The following P2RY8 variants were observed in gnomAD, a reference collection of about 807,000 sequenced individuals.
The protein encoded by P2RY8 is S-geranylgeranyl-glutathione receptor P2RY8.
P2RY8 carries 6 observed loss-of-function variants against 10.0 expected under a neutral mutation model. The observed-to-expected ratio is 0.60, with a 90% confidence interval of 0.33 to 1.19. The LOEUF is 1.19. Ranked by LOEUF, P2RY8 falls within the 50% of genes most tolerant of loss-of-function variation. The probability of loss-of-function intolerance (pLI) is 0.04; values close to 1 mark genes in which losing one functional copy is unlikely to be tolerated. For synonymous variants in P2RY8, 276 were observed against 252.5 expected (o/e 1.09, Z -0.88); for missense variants, 456 against 542.0 (o/e 0.84, Z 1.58).
chrX:1,519,002 T>C (rs2092371666), intron 1 of P2RY8, among the ~76,000 whole-genome samples: 1 of 151,844 alleles, frequency 6.6e-6, no homozygotes, highest in African/African-American at 2.4e-5. Flanking sequence ...TTCTCTGTGG[T>C]CCCCAATCAT....
chrX:1,496,097 G>A lies in P2RY8; in HGVS notation c.-24-29515C>T, dbSNP rs753012300. On this transcript the variant is annotated intron_variant, in intron 1 of 1. Transcript: ENST00000381297. Reference sequence around the variant, plus strand: ...CCAGTTTGCAGTGTTTTATTACGGCGGCCGAGCTGACTACCCATCCACTCT... The same window carrying A: ...CCAGTTTGCAGTGTTTTATTACGGCAGCCGAGCTGACTACCCATCCACTCT... 7.2e-5 allele frequency among the ~76,000 whole-genome samples: 11 copies of A among 152,220 alleles called. No homozygotes were observed. The South Asian group carries it at 1.7e-3, about 23-fold the overall frequency.
rs1263197345 is a variant in P2RY8, at chrX:1,462,658, G to A, written c.*2821C>T. On this transcript the variant is annotated 3_prime_UTR_variant, in exon 2 of 2. Transcript: ENST00000381297. ...AGATGAGTTCTCACTGTGTTGCCTA[G>A]GTTGGCCCTTGAACACCCGGACTCA... 4.3e-6 allele frequency: 1 copy of A among 232,838 alleles called. No homozygotes were observed. Among genetic ancestry groups the A allele is most frequent in the Non-Finnish European group, 8.5e-6 (1 of 117,970 alleles). 14.4% of individuals were successfully genotyped at this position (232,838 alleles called of 1,614,324 possible).
At chrX:1,523,092 A>AATAT (rs2092404780) in intron 1 of P2RY8, among the ~76,000 whole-genome samples, 2 of 150,466 alleles carry the variant, frequency 1.3e-5, no homozygotes, top group African/African-American at 2.4e-5. Context: ...TAAATAAATA[A>AATAT]ATAAATAAAT....
At chrX:1,530,908 T>A (rs1175563497) in intron 1 of P2RY8, among the ~76,000 whole-genome samples, 1 of 122,940 alleles carries the variant, frequency 8.1e-6, no homozygotes, top group Non-Finnish European at 1.8e-5. Flanking sequence ...TAATCTATCA[T>A]CTATCTATCT....
chrX:1,505,373 A>G (rs2092222856), intron 1 of P2RY8, among the ~76,000 whole-genome samples: 1 of 152,174 alleles, frequency 6.6e-6, no homozygotes, highest in African/African-American at 2.4e-5. Context: ...ATGACCACAG[A>G]TAGTGTCCAT....
intron 1 of P2RY8, among the ~76,000 whole-genome samples, chrX:1,525,471 T>A (rs2092433751): frequency 6.6e-6 from 1 of 152,106 alleles, no homozygotes; most frequent in Non-Finnish European, 1.5e-5. Context: ...CCCAGGGACG[T>A]CAAGGATGGC....
At chrX:1,510,069 A>G (rs1431406228) in intron 1 of P2RY8, among the ~76,000 whole-genome samples, 1 of 151,888 alleles carries the variant, frequency 6.6e-6, no homozygotes, top group African/African-American at 2.4e-5. Context: ...TATCTATCTC[A>G]TCTATCATCT....
chrX:1,532,190 A>G (rs2149416802), intron 1 of P2RY8, among the ~76,000 whole-genome samples: 1 of 152,128 alleles, frequency 6.6e-6, no homozygotes, highest in South Asian at 2.1e-4. Flanking sequence ...TGTGGAACCA[A>G]CCCAAATGCC....
At chrX:1,482,825 C>G (rs1366803484) in intron 1 of P2RY8, among the ~76,000 whole-genome samples, 1 of 151,666 alleles carries the variant, frequency 6.6e-6, no homozygotes, top group Non-Finnish European at 1.5e-5. Context: ...CCATCATTCT[C>G]AGCAAACTAT....
chrX:1,486,549 G>T (rs772623915), intron 1 of P2RY8, among the ~76,000 whole-genome samples: 2 of 152,300 alleles, frequency 1.3e-5, no homozygotes, highest in South Asian at 4.1e-4. Context: ...GATGACCATG[G>T]CTGGGACTGG....
chrX:1,503,809 C>A (rs1427343729), intron 1 of P2RY8, among the ~76,000 whole-genome samples: 1 of 151,992 alleles, frequency 6.6e-6, no homozygotes, highest in Non-Finnish European at 1.5e-5. Flanking sequence ...GCAGGAGAAT[C>A]ACTTGAACCC....
chrX:1,515,893 G>C (rs2092342889), intron 1 of P2RY8, among the ~76,000 whole-genome samples: 2 of 143,760 alleles, frequency 1.4e-5, no homozygotes, highest in South Asian at 2.2e-4. Context: ...CAGGAAGAGG[G>C]CCAGGCATGG....
At chrX:1,473,267 A>AGATGGATGAGTG (rs2091818958) in intron 1 of P2RY8, among the ~76,000 whole-genome samples, 1 of 144,312 alleles carries the variant, frequency 6.9e-6, no homozygotes, top group African/African-American at 2.6e-5. Context: ...ATGGGTGAAT[A>AGATGGATGAGTG]GATGGATGAG....
At chrX:1,507,643 G>A (rs1396106378) in intron 1 of P2RY8, among the ~76,000 whole-genome samples, 3 of 152,086 alleles carry the variant, frequency 2.0e-5, no homozygotes, top group African/African-American at 4.8e-5. Flanking sequence ...GAGTCCCCAC[G>A]TGCCGGCCCC....
In P2RY8 at chrX:1,474,436, T is replaced by A. The variant is rs5990005; in HGVS notation, c.-24-7854A>T. ...ATGGACGTGTGAGTGGATGGATGGG[T>A]GGATAGATGGATGAGTGGGAGGATG... On this transcript the variant is annotated intron_variant, in intron 1 of 1. Transcript: ENST00000381297. Among the ~76,000 whole-genome samples the A allele has an allele frequency of 7.7e-5, 8 of 103,478 alleles. 2 individuals are homozygous for A. The highest frequency in any genetic ancestry group is 2.6e-4 in the African/African-American group (8 of 30,894). The allele number at this position is 103,478 out of a possible 152,430, so 67.9% of individuals were successfully genotyped here.
At chrX:1,534,285 TAC>T (rs1263398583) in intron 1 of P2RY8, among the ~76,000 whole-genome samples, 3 of 146,768 alleles carry the variant, frequency 2.0e-5, no homozygotes, top group Admixed American at 7.0e-5. Flanking sequence ...CATATATATA[TAC>T]ACACACACAG....
chrX:1,534,115 A>G (rs1296896244), intron 1 of P2RY8, among the ~76,000 whole-genome samples: 1 of 130,384 alleles, frequency 7.7e-6, no homozygotes, highest in Non-Finnish European at 1.5e-5. Context: ...TAATATATTT[A>G]CATATATTAT....
chrX:1,531,578 C>T (rs1464699621), intron 1 of P2RY8, among the ~76,000 whole-genome samples: 1 of 152,134 alleles, frequency 6.6e-6, no homozygotes, highest in Non-Finnish European at 1.5e-5. Context: ...ACCAACACAG[C>T]CTGGCACCTG....
intron 1 of P2RY8, among the ~76,000 whole-genome samples, chrX:1,514,890 TC>T (rs200630647): frequency 0.4 from 7,481 of 18,834 alleles, 1,624 homozygotes; most frequent in Non-Finnish European, 0.48. Flanking sequence ...TCCTCTCCCC[TC>T]CCCTTCCCCT....
Sources: gnomAD v4.1 joint callset for allele counts (sites outside exome capture counted in the v4.1 genomes callset) on GRCh38, gnomAD v4.1.1 for gene constraint, MANE v1.5 for transcripts, NCBI Gene and HGNC (gene_info 2026-07-23, HGNC 2026-07-21) for gene names.